COL4A1: variants seen among roughly 807,000 people sequenced by gnomAD.
COL4A1 encodes the protein collagen type IV alpha 1 chain.
In COL4A1, 40 loss-of-function variants were observed where a neutral mutation model predicts 216.6. The ratio of observed to expected loss-of-function variants is 0.18; its 90% CI spans 0.14 to 0.24. The LOEUF (loss-of-function observed/expected upper bound fraction) is 0.24, where lower values mean the gene tolerates loss of function less well. Among genes scored for constraint, COL4A1 ranks in the 10% least tolerant of loss-of-function variants. The pLI is 1.00. For missense variants in COL4A1, 1,628 were observed against 2,196.8 expected (o/e 0.74, Z 5.18); for synonymous variants, 839 against 810.7 (o/e 1.03, Z -0.59).
chr13:110,203,763 A>C (rs1029966818), intron 17 of COL4A1, among the ~76,000 whole-genome samples, 156 bp from the exon 18 acceptor site: 1 of 152,188 alleles, frequency 6.6e-6, no homozygotes, highest in Non-Finnish European at 1.5e-5. Flanking sequence ...TGACGATTAC[A>C]ACAAAAATGA....
At chr13:110,209,876 G>T (rs759640057) in intron 10 of COL4A1, 104 bp downstream of exon 10, 7 of 1,378,588 alleles carry the variant, frequency 5.1e-6, no homozygotes, top group Admixed American at 3.3e-5. Context: ...AATTAAGAGC[G>T]ACCACAACTG....
At chr13:110,227,425 CAA>C (rs1491443940) in intron 2 of COL4A1, among the ~76,000 whole-genome samples, 9,996 of 141,816 alleles carry the variant, frequency 0.07, 404 homozygotes, top group East Asian at 0.17. Flanking sequence ...CACACACACA[CAA>C]ACACACACAA....
chr13:110,209,805 T>C (rs1879690546), intron 10 of COL4A1, 175 bp downstream of exon 10: 1 of 816,672 alleles, frequency 1.2e-6, no homozygotes. Flanking sequence ...GCTCTGGGTA[T>C]ATGGGTACCG....
At chr13:110,280,874 G>C (rs1231427841) in intron 1 of COL4A1, among the ~76,000 whole-genome samples, 2 of 151,886 alleles carry the variant, frequency 1.3e-5, no homozygotes, top group East Asian at 3.9e-4. Flanking sequence ...TCTGGCTGAA[G>C]GTTTCTTACT....
chr13:110,282,081 A>G (rs538489857), intron 1 of COL4A1, among the ~76,000 whole-genome samples: 12 of 152,232 alleles, frequency 7.9e-5, no homozygotes, highest in Non-Finnish European at 1.8e-4. Flanking sequence ...GTCACAAATC[A>G]CCAATTACTC....
At chr13:110,283,826 G>A (rs1883733004) in intron 1 of COL4A1, among the ~76,000 whole-genome samples, 1 of 152,174 alleles carries the variant, frequency 6.6e-6, no homozygotes, top group Admixed American at 6.5e-5. Context: ...GCATTTGGGG[G>A]GTTATTTTTC....
chr13:110,271,947 A>C (rs1241363003), intron 1 of COL4A1, among the ~76,000 whole-genome samples: 3 of 152,212 alleles, frequency 2.0e-5, no homozygotes, highest in Admixed American at 1.3e-4. Flanking sequence ...ATGAATCCTA[A>C]ATAGCTCATC....
intron 1 of COL4A1, among the ~76,000 whole-genome samples, chr13:110,261,035 T>TAAAAAAAA (rs1303970828): frequency 0.066 from 2,790 of 42,026 alleles, 348 homozygotes; most frequent in African/African-American, 0.22. Flanking sequence ...AGACTCCGTC[T>TAAAAAAAA]CAAAAAAAAA....
At chr13:110,224,885 T>C (rs1880666584) in intron 2 of COL4A1, among the ~76,000 whole-genome samples, 1 of 152,112 alleles carries the variant, frequency 6.6e-6, no homozygotes, top group African/African-American at 2.4e-5. Context: ...TTTCTTTTTT[T>C]GGTCTGTGAT....
Position 110,178,953 on chromosome 13 carries a change from G to A in COL4A1, c.2428C>T (p.Pro810Ser). 1.2e-6 allele frequency: 2 copies of A among 1,612,116 alleles called. No homozygotes were observed. Among genetic ancestry groups the A allele is most frequent in the Non-Finnish European group, 1.7e-6 (2 of 1,179,630 alleles). The change falls in exon 31 of 52, where the codon CCT becomes TCT. Residue 810 changes from proline (P) to serine (S), a missense_variant. Pro to Ser is a moderately conservative substitution (Grantham distance 74). This residue lies in a region of COL4A1 where 701 missense variants were observed against 892.5 expected (regional missense o/e 0.79). Coordinates refer to ENST00000375820, the MANE Select transcript of COL4A1 (RefSeq NM_001845.6). ...AACCCCGGTGGTCCCTGTCCTCCAG[G>A]GGGACCCCTAGCTCCAGGGGGGCCT... is the stretch of plus-strand genomic sequence containing the variant. ...GIGPPGARGPPGGQGPPGLSG... is the reference protein window; with the variant it reads ...GIGPPGARGPSGGQGPPGLSG...
rs546525223 is a variant in COL4A1 at position 110,232,272 on chromosome 13, G to A, written c.144+10403C>T. On this transcript the variant is annotated intron_variant, in intron 2 of 51. Transcript: ENST00000375820. ...CTGACAAAGGGGCACCACGTCCCCA[G>A]AGCCATCTGGTTTGCTCGTTAACTC... Among the ~76,000 whole-genome samples the A allele has an allele frequency of 5.3e-5, 8 of 152,342 alleles. No homozygotes were observed. In the South Asian group the frequency reaches 1.7e-3, roughly 32 times the overall value.
At chr13:110,274,544 C>T (rs77058685) in intron 1 of COL4A1, among the ~76,000 whole-genome samples, 6,513 of 152,248 alleles carry the variant, frequency 0.043, 198 homozygotes, top group Non-Finnish European at 0.065. Flanking sequence ...CAGGTGGGGT[C>T]AGCATCATCT....
intron 1 of COL4A1, among the ~76,000 whole-genome samples, chr13:110,248,332 A>G (rs1881924435): frequency 6.6e-6 from 1 of 151,724 alleles, no homozygotes; most frequent in South Asian, 2.1e-4. Context: ...GGACATTCCC[A>G]ACCCTCTGGA....
intron 1 of COL4A1, among the ~76,000 whole-genome samples, chr13:110,279,635 G>A (rs1395274358): frequency 6.6e-6 from 1 of 152,130 alleles, no homozygotes; most frequent in East Asian, 1.9e-4. Flanking sequence ...TCTTGCAGGG[G>A]AAAACCTCCT....
intron 24 of COL4A1, among the ~76,000 whole-genome samples, chr13:110,190,351 G>A (rs757585840): frequency 3.9e-4 from 59 of 152,112 alleles, no homozygotes; most frequent in Non-Finnish European, 7.4e-4. Context: ...TGACACCTAC[G>A]CTGTCTGCCT....
intron 2 of COL4A1, among the ~76,000 whole-genome samples, chr13:110,232,024 C>T (rs624085): frequency 6.6e-6 from 1 of 152,122 alleles, no homozygotes; most frequent in African/African-American, 2.4e-5. Context: ...AAGGAGAAAC[C>T]GTACCAAGGG....
At chr13:110,156,246 G>GT (rs1328634167) in intron 49 of COL4A1, among the ~76,000 whole-genome samples, 6 of 152,170 alleles carry the variant, frequency 3.9e-5, no homozygotes, top group Non-Finnish European at 8.8e-5. Context: ...CAATGCATAC[G>GT]TATTTCCACA....
At chr13:110,181,258 G>A (rs1166924821) in intron 29 of COL4A1, 34 bp downstream of exon 29, 4 of 1,592,782 alleles carry the variant, frequency 2.5e-6, no homozygotes, top group East Asian at 2.2e-5. Flanking sequence ...AAGGATGGGG[G>A]AGAAGGGTCA....
chr13:110,282,470 C>T (rs1204772447), intron 1 of COL4A1, among the ~76,000 whole-genome samples: 1 of 152,194 alleles, frequency 6.6e-6, no homozygotes, highest in Admixed American at 6.5e-5. Context: ...TGGCTGCATC[C>T]ACGCAAGTCA....
Sources: gnomAD v4.1 joint callset for allele counts (sites outside exome capture counted in the v4.1 genomes callset) on GRCh38, gnomAD v4.1.1 for gene constraint, gnomAD v4.1.1 regional missense constraint, MANE v1.5 for transcripts, NCBI Gene and HGNC (gene_info 2026-07-23, HGNC 2026-07-21) for gene names.